The following SIN3B variants were observed in gnomAD, a reference collection of about 807,000 sequenced individuals.
SIN3B encodes SIN3 transcription regulator family member B.
SIN3B carries 19 observed loss-of-function variants against 120.2 expected under a neutral mutation model. The observed-to-expected ratio is 0.16, with a 90% CI of 0.11 to 0.23. The LOEUF (loss-of-function observed/expected upper bound fraction) is 0.23, where lower values mean the gene tolerates loss of function less well. Among genes scored for constraint, SIN3B ranks in the 10% least tolerant of loss-of-function variants. SIN3B has a pLI of 1.00. For synonymous variants in SIN3B, 654 were observed against 653.2 expected, an observed-to-expected ratio of 1.00 and a Z score of -0.02; for missense variants, 1,073 against 1,573.0, an observed-to-expected ratio of 0.68 and a Z score of 5.38.
At chr19:16,855,369 T>TCCCCCCCCCCCCCCC (rs1491247135) in intron 8 of SIN3B, 1 of 31,740 alleles carries the variant, frequency 3.2e-5, no homozygotes, top group Non-Finnish European at 6.5e-5. Flanking sequence ...GGGAGAAACC[T>TCCCCCCCCCCCCCCC]TCCCCCCCCC....
chr19:16,863,400 T>G (rs1243922439), intron 9 of SIN3B: 1 of 529,594 alleles, frequency 1.9e-6, no homozygotes. Flanking sequence ...ATAGGATATA[T>G]GCAAATAGGA....
chr19:16,878,043 G>C, intron 17 of SIN3B, 140 bp from the exon 18 acceptor site: 1 of 711,426 alleles, frequency 1.4e-6, no homozygotes, highest in Non-Finnish European at 2.3e-6. Flanking sequence ...GGCATTTCTT[G>C]TTGCTTCCAT....
chr19:16,862,614 C>G lies in SIN3B; in HGVS notation c.1266+55C>G, dbSNP rs1971704919. Reference sequence around the variant, plus strand: ...TGACATGGTGCATCCCCCACCCCTCCCCAGCAAACACCCGATACCCCCGTT... The same window carrying G: ...TGACATGGTGCATCCCCCACCCCTCGCCAGCAAACACCCGATACCCCCGTT... On this transcript the variant is annotated intron_variant, in intron 9 of 18. Transcript: ENST00000248054. The surrounding 1 kb of genome is among the most constrained non-coding windows in gnomAD (Gnocchi z 4.7). 1.4e-6 allele frequency: 2 copies of G among 1,466,716 alleles called. No individual in the cohort carries two copies. Among genetic ancestry groups the G allele is most frequent in the Non-Finnish European group, 1.9e-6 (2 of 1,060,594 alleles). 90.9% of individuals were successfully genotyped at this position (1,466,716 alleles called of 1,614,324 possible).
Position 16,878,981 on chromosome 19 carries a change from G to A in SIN3B, c.*254G>A. The A allele has an allele frequency of 1.9e-6, 1 of 539,462 alleles. No homozygotes were observed. The highest frequency in any genetic ancestry group is 3.3e-6 in the Non-Finnish European group (1 of 306,010). 33.4% of individuals were successfully genotyped at this position (539,462 alleles called of 1,614,324 possible). A position where few individuals can be genotyped will look rare whatever the true frequency, so the allele number is the denominator to read the frequency against. On this transcript the variant is annotated 3_prime_UTR_variant, in exon 19 of 19. Transcript: ENST00000248054. Reference sequence around the variant, plus strand: ...ACCACAGGGGCGGGTGGACGTGCTGGCCGAGGAACAAGCAATCATGTTTGC... The same window carrying A: ...ACCACAGGGGCGGGTGGACGTGCTGACCGAGGAACAAGCAATCATGTTTGC...
intron 4 of SIN3B, among the ~76,000 whole-genome samples, chr19:16,845,067 C>G (rs1313063371): frequency 6.6e-6 from 1 of 152,168 alleles, no homozygotes; most frequent in African/African-American, 2.4e-5. Flanking sequence ...GAAAATTCAC[C>G]TCATGCTCAA....
At chr19:16,835,292 G>A (rs902191049) in intron 3 of SIN3B, among the ~76,000 whole-genome samples, 12 of 145,184 alleles carry the variant, frequency 8.3e-5, no homozygotes, top group African/African-American at 3.1e-4. Flanking sequence ...GCAATGGCAC[G>A]ATCTTGGCTC....
intron 11 of SIN3B, among the ~76,000 whole-genome samples, chr19:16,866,111 G>A (rs1971768519): frequency 6.6e-6 from 1 of 152,200 alleles, no homozygotes; most frequent in South Asian, 2.1e-4. Context: ...GGACCTGAGT[G>A]GTTGAGCCAA....
intron 1 of SIN3B, 44 bp from the exon 2 acceptor site, chr19:16,829,747 C>A (rs1235683994): frequency 1.6e-5 from 24 of 1,533,512 alleles, no homozygotes; most frequent in African/African-American, 4.1e-5. Flanking sequence ...CTCGTCCCCT[C>A]GTTCCGCGGC....
At chr19:16,840,310 T>G (rs1049550754) in intron 3 of SIN3B, among the ~76,000 whole-genome samples, 1 of 152,106 alleles carries the variant, frequency 6.6e-6, no homozygotes, top group Admixed American at 6.6e-5. Flanking sequence ...GAGAGGAGAT[T>G]GGGACACACA....
Position 16,829,407 on chromosome 19 carries a change from C to T in SIN3B, c.-14C>T. ...CGGGCGGGGGCGGGGCGGGGCGCAGCTCCGACTTCGGACATGGCGCACGCT... is the reference window on the plus strand; with the variant it reads ...CGGGCGGGGGCGGGGCGGGGCGCAGTTCCGACTTCGGACATGGCGCACGCT... On this transcript the variant is annotated 5_prime_UTR_variant, in exon 1 of 19. Coordinates refer to ENST00000248054, the MANE Select transcript of SIN3B (RefSeq NM_001297595.2). 8.3e-7 allele frequency: 1 copy of T among 1,200,754 alleles called. No individual in the cohort carries two copies. The highest frequency in any genetic ancestry group is 1.6e-5 in the African/African-American group (1 of 63,252). 74.4% of individuals were successfully genotyped at this position (1,200,754 alleles called of 1,614,324 possible).
chr19:16,831,432 A>G, intron 2 of SIN3B, 62 bp from the exon 3 acceptor site: 1 of 1,514,664 alleles, frequency 6.6e-7, no homozygotes. Context: ...GGAGTGGGGA[A>G]TAGATTATAT....
chr19:16,867,151 T>C (rs1489690742), intron 12 of SIN3B, among the ~76,000 whole-genome samples: 3 of 152,200 alleles, frequency 2.0e-5, no homozygotes, highest in Admixed American at 2.0e-4. Flanking sequence ...ATTTCTTTCT[T>C]GCCGACTGTG....
At chr19:16,831,770 A>G in intron 3 of SIN3B, 123 bp downstream of exon 3, 1 of 795,100 alleles carries the variant, frequency 1.3e-6, no homozygotes. Flanking sequence ...TTCTTTTTCT[A>G]GACGTGCTCA....
At chr19:16,872,529 T>C (rs1210881723) in intron 14 of SIN3B, 1 of 151,976 alleles carries the variant, frequency 6.6e-6, no homozygotes, top group African/African-American at 2.4e-5. Flanking sequence ...CAGCAACCTC[T>C]GCCTCCTGGT....
chr19:16,830,818 A>G (rs373857673), intron 2 of SIN3B, among the ~76,000 whole-genome samples: 12 of 152,294 alleles, frequency 7.9e-5, no homozygotes, highest in Middle Eastern at 3.4e-3. Flanking sequence ...AGTCATCTCT[A>G]TCTGATACAA....
chr19:16,856,910 G>A (rs1971623400), intron 8 of SIN3B, among the ~76,000 whole-genome samples: 1 of 152,068 alleles, frequency 6.6e-6, no homozygotes, highest in African/African-American at 2.4e-5. Flanking sequence ...CATGGTGGGT[G>A]CACATATTAA....
chr19:16,853,190 A>G, intron 7 of SIN3B, 32 bp downstream of exon 7: 2 of 1,598,244 alleles, frequency 1.3e-6, no homozygotes, highest in Non-Finnish European at 8.6e-7. Context: ...CATCTTGGGG[A>G]TGCCATGTCC....
intron 12 of SIN3B, among the ~76,000 whole-genome samples, chr19:16,867,726 C>G (rs1438293147): frequency 1.3e-5 from 2 of 152,268 alleles, no homozygotes; most frequent in East Asian, 1.9e-4. Flanking sequence ...CCACAGGAGC[C>G]GGGCTGCTGG....
rs756110251 is a variant in SIN3B at position 16,871,393 on chromosome 19, C to T, written c.2587C>T (p.Arg863Trp). 2.5e-6 allele frequency: 4 copies of T among 1,601,988 alleles called. No individual in the cohort carries two copies. The highest frequency in any genetic ancestry group is 2.6e-6 in the Non-Finnish European group (3 of 1,173,024). The stretch of plus-strand genomic sequence containing the variant: ...GGACAAGCTGGTGCAGAACATTGCG[C>T]GGCAGGTGAGCCGGGCCGGGGTGGG... ...TMDKLVQNIA[R>W]QLHHLVSDDV... The change falls in exon 14 of 19, where the codon CGG becomes TGG. Residue 863 changes from arginine to tryptophan, a missense_variant. By Grantham distance (101) the Arg-to-Trp change is moderately radical. Around this residue, in one of 7 missense-constraint regions of SIN3B, gnomAD observed 311 missense variants for 400.3 expected, o/e 0.78. Transcript: ENST00000248054.
Sources: allele counts gnomAD v4.1 joint callset (sites outside exome capture counted in the v4.1 genomes callset), GRCh38; gene constraint gnomAD v4.1.1; regional missense constraint gnomAD v4.1.1; non-coding constraint Gnocchi (gnomAD v3.1); transcripts MANE v1.5; gene names NCBI Gene and HGNC (gene_info 2026-07-23, HGNC 2026-07-21).